The following PDE1A variants were observed in gnomAD, a reference collection of about 807,000 sequenced individuals.
PDE1A encodes phosphodiesterase 1A.
In PDE1A, 35 loss-of-function variants were observed where a neutral mutation model predicts 61.7. The ratio of observed to expected loss-of-function variants is 0.57; its 90% confidence interval spans 0.43 to 0.75. The LOEUF (loss-of-function observed/expected upper bound fraction) is 0.75, where lower values mean the gene tolerates loss of function less well. PDE1A is among the 30% of genes least tolerant of loss of function. The pLI is 0.00. For missense variants in PDE1A, 597 were observed against 630.6 expected, an observed-to-expected ratio of 0.95 and a Z score of 0.57; for synonymous variants, 232 against 213.2, an observed-to-expected ratio of 1.09 and a Z score of -0.77.
chr2:182,455,871 C>T (rs1309900695), intron 2 of PDE1A, among the ~76,000 whole-genome samples: 1 of 151,142 alleles, frequency 6.6e-6, no homozygotes, highest in Non-Finnish European at 1.5e-5. Flanking sequence ...CAAACCTGCA[C>T]ATTGTGCACA....
intron 1 of PDE1A, among the ~76,000 whole-genome samples, chr2:182,341,068 T>G (rs576756591): frequency 3.3e-5 from 5 of 152,362 alleles, no homozygotes; most frequent in African/African-American, 1.2e-4. Context: ...GGAATTTGGC[T>G]GTTCATTAAT....
intron 1 of PDE1A, among the ~76,000 whole-genome samples, chr2:182,282,579 G>A (rs1284458524): frequency 6.6e-6 from 1 of 151,918 alleles, no homozygotes; most frequent in African/African-American, 2.4e-5. Context: ...ATATTTGTAG[G>A]TAAGGAGACA....
At chr2:182,485,437 T>C (rs1286770943) in intron 2 of PDE1A, among the ~76,000 whole-genome samples, 5 of 152,002 alleles carry the variant, frequency 3.3e-5, no homozygotes. Flanking sequence ...ACCTGGGTGA[T>C]GAAATAATCT....
the PDE1A span, among the ~76,000 whole-genome samples, chr2:182,660,506 A>G: frequency 6.6e-6 from 1 of 152,232 alleles, no homozygotes; most frequent in Non-Finnish European, 1.5e-5. Context: ...TTGCAGCTAT[A>G]ATCAAGGTCC....
the PDE1A span, among the ~76,000 whole-genome samples, chr2:182,679,916 G>C: frequency 7.9e-5 from 12 of 152,232 alleles, no homozygotes; most frequent in East Asian, 2.3e-3. Context: ...GAAGATGGGA[G>C]GAAGAAGGAC....
chr2:182,547,527 C>G, the PDE1A span, among the ~76,000 whole-genome samples: 22 of 152,300 alleles, frequency 1.4e-4, 1 homozygote, highest in East Asian at 4.2e-3. Context: ...TTTTATTAAT[C>G]AGGCCAGGTT....
intron 1 of PDE1A, among the ~76,000 whole-genome samples, chr2:182,363,198 A>G (rs1699615247): frequency 6.6e-6 from 1 of 151,970 alleles, no homozygotes; most frequent in Non-Finnish European, 1.5e-5. Context: ...CTGCTCATGT[A>G]CCCCTGAACC....
intron 1 of PDE1A, among the ~76,000 whole-genome samples, chr2:182,299,889 G>A (rs375642004): frequency 5.9e-5 from 9 of 152,080 alleles, no homozygotes; most frequent in South Asian, 2.1e-4. Flanking sequence ...AAGTCACACC[G>A]GTGCATTGTA....
chr2:182,611,769 C>G, the PDE1A span, among the ~76,000 whole-genome samples: 12 of 151,938 alleles, frequency 7.9e-5, no homozygotes, highest in African/African-American at 2.9e-4. Flanking sequence ...AAAATCATGT[C>G]TATTTGAAAG....
intron 2 of PDE1A, among the ~76,000 whole-genome samples, chr2:182,471,779 T>A (rs1259918995): frequency 6.6e-6 from 1 of 151,802 alleles, no homozygotes; most frequent in Non-Finnish European, 1.5e-5. Flanking sequence ...TCCTCTAAAC[T>A]TTTTTATTTT....
chr2:182,556,398 G>C, the PDE1A span, among the ~76,000 whole-genome samples: 20 of 152,110 alleles, frequency 1.3e-4, no homozygotes, highest in African/African-American at 4.8e-4. Context: ...AGTTAAATTG[G>C]TTTACAAATT....
chr2:182,703,871 T>A, the PDE1A span, among the ~76,000 whole-genome samples: 1 of 152,114 alleles, frequency 6.6e-6, no homozygotes, highest in African/African-American at 2.4e-5. Flanking sequence ...TGGCCATGGT[T>A]ACAGGAATGT....
intron 1 of PDE1A, among the ~76,000 whole-genome samples, chr2:182,364,562 G>C (rs1392435151): frequency 7.3e-6 from 1 of 136,650 alleles, no homozygotes; most frequent in Non-Finnish European, 1.5e-5. Context: ...ACATAGCTCT[G>C]ACATTTCAGG....
intron 1 of PDE1A, among the ~76,000 whole-genome samples, chr2:182,370,555 T>C (rs833116): frequency 0.012 from 1,755 of 152,280 alleles, 35 homozygotes; most frequent in African/African-American, 0.039. Context: ...AGGGGGCAGA[T>C]GATTGATCTG....
intron 1 of PDE1A, among the ~76,000 whole-genome samples, chr2:182,274,894 G>A (rs1170925638): frequency 6.6e-6 from 1 of 152,008 alleles, no homozygotes. Flanking sequence ...TATTGACATT[G>A]ACAGAAGTAG....
intron 13 of PDE1A, among the ~76,000 whole-genome samples, chr2:182,158,570 C>G (rs760028332): frequency 6.6e-6 from 1 of 152,130 alleles, no homozygotes; most frequent in African/African-American, 2.4e-5. Context: ...AATCCCATGT[C>G]CAGAGTGATG....
At chr2:182,372,147 G>T (rs1055497693) in intron 1 of PDE1A, among the ~76,000 whole-genome samples, 11 of 152,062 alleles carry the variant, frequency 7.2e-5, no homozygotes, top group Non-Finnish European at 1.5e-4. Context: ...TGCATATCTT[G>T]ACTTGCATAC....
At chr2:182,619,455 T>C in the PDE1A span, among the ~76,000 whole-genome samples, 1 of 151,414 alleles carries the variant, frequency 6.6e-6, no homozygotes, top group Non-Finnish European at 1.5e-5. Flanking sequence ...GAGAGGAGAG[T>C]AACATGAGCA....
rs377151330 is a variant in PDE1A at position 182,359,073 on chromosome 2, G to A, written c.53+67505C>T. On this transcript the variant is annotated intron_variant, in intron 1 of 13. Transcript: ENST00000351439. ...CAATACTTACTATAATTCCTAACAT[G>A]TAGCTGTGGATGTTTCTTGAACAAG... Among the ~76,000 whole-genome samples, 89 of 150,360 alleles carry A rather than the reference G, an allele frequency of 5.9e-4. 1 individual carries two copies. The highest frequency in any genetic ancestry group is 2.1e-3 in the African/African-American group (86 of 40,774).
Sources: allele counts gnomAD v4.1 joint callset (sites outside exome capture counted in the v4.1 genomes callset), GRCh38; gene constraint gnomAD v4.1.1; transcripts MANE v1.5; gene names NCBI Gene and HGNC (gene_info 2026-07-23, HGNC 2026-07-21).